Variants in ESS2 observed in about 807,000 individuals in gnomAD.
ESS2 encodes the protein splicing factor ESS-2 homolog.
ESS2 carries 31 observed loss-of-function variants against 52.0 expected under a neutral mutation model. The ratio of observed to expected loss-of-function variants is 0.60; its 90% CI spans 0.45 to 0.81. The LOEUF (loss-of-function observed/expected upper bound fraction) is 0.81, where lower values mean the gene tolerates loss of function less well. ESS2 is among the 30% of genes least tolerant of loss of function. ESS2 has a pLI of 0.00. For missense variants in ESS2, 602 were observed against 637.2 expected (o/e 0.94, Z 0.59); for synonymous variants, 285 against 259.2 (o/e 1.10, Z -0.95).
At chr22:19,140,165 C>T (rs1392260592) in intron 3 of ESS2, 141 bp from the exon 4 acceptor site, 2 of 1,091,276 alleles carry the variant, frequency 1.8e-6, no homozygotes. Context: ...CATGAAAGCC[C>T]ACACTGCCAA....
At position 19,144,596 on chromosome 22, in the gene ESS2, G is replaced by A. The variant is rs1161647340; in HGVS notation, c.45C>T (p.Ala15=). 6.3e-7 allele frequency: 1 copy of A among 1,596,966 alleles called. No individual in the cohort carries two copies. Among genetic ancestry groups the A allele is most frequent in the East Asian group, 2.3e-5 (1 of 43,560 alleles). The part of the protein sequence containing the change: ...GASASSLLLP[A]ASRPPRKREA... Reference sequence around the variant, plus strand: ...CGCGCTTCCTCGGGGGCCTGGACGCGGCGGGAAGCAACAAGGACGACGCTG... The same window carrying A: ...CGCGCTTCCTCGGGGGCCTGGACGCAGCGGGAAGCAACAAGGACGACGCTG... The change falls in exon 1 of 10, where the codon GCC becomes GCT. Residue 15 remains alanine, a synonymous_variant. Coordinates refer to ENST00000252137, the MANE Select transcript of ESS2 (RefSeq NM_022719.3).
Position 19,134,276 on chromosome 22 carries a change from G to C in ESS2, c.1351C>G (p.Pro451Ala). Reference protein sequence around the residue: ...TPAPGSATRTPLTQDPASITD... With the variant: ...TPAPGSATRTALTQDPASITD... ...ATGGAGGCCGGGTCCTGTGTGAGAGGGGTGCGTGTGGCAGAGCCAGGCGCC... is the reference window on the plus strand; with the variant it reads ...ATGGAGGCCGGGTCCTGTGTGAGAGCGGTGCGTGTGGCAGAGCCAGGCGCC... The change falls in exon 10 of 10, where the codon CCT becomes GCT. Residue 451 changes from proline (P) to alanine (A), a missense_variant. Coordinates refer to ENST00000252137, the MANE Select transcript of ESS2 (RefSeq NM_022719.3). 6.3e-7 allele frequency: 1 copy of C among 1,591,070 alleles called. No homozygotes were observed. Among genetic ancestry groups the C allele is most frequent in the Non-Finnish European group, 8.6e-7 (1 of 1,166,880 alleles).
In ESS2 at chr22:19,137,791, C is replaced by T. The variant is rs529194075; in HGVS notation, c.926-359G>A. ...TCACATGCCCTGGCGTGTGACACAG[C>T]ACCAGCACCCAAGAGCACAGAGGCC... is the stretch of plus-strand genomic sequence containing the variant. On this transcript the variant is annotated intron_variant, in intron 7 of 9. Transcript: ENST00000252137. The T allele has an allele frequency of 2.8e-4, 274 of 985,388 alleles. No homozygotes were observed. In the African/African-American group the frequency reaches 4.5e-3, roughly 16 times the overall value. 61.0% of individuals were successfully genotyped at this position (985,388 alleles called of 1,614,324 possible). A position where few individuals can be genotyped will look rare whatever the true frequency, so the allele number is the denominator to read the frequency against.
chr22:19,134,487 G>A lies in ESS2; in HGVS notation c.1152-12C>T. ...CTTTGGGGGTGAGGCTGGGGTGGAG[G>A]AATGGGTGAGAGAGGCAGGGTTAGG... is the stretch of plus-strand genomic sequence containing the variant. On this transcript the variant is annotated splice_polypyrimidine_tract_variant and intron_variant, in intron 9 of 9. Transcript: ENST00000252137. The A allele has an allele frequency of 6.6e-7, 1 of 1,525,770 alleles. No homozygotes were observed. Among genetic ancestry groups the A allele is most frequent in the Non-Finnish European group, 8.8e-7 (1 of 1,135,052 alleles). The allele number at this position is 1,525,770 out of a possible 1,614,324, so 94.5% of individuals were successfully genotyped here.
In ESS2 at chr22:19,132,363, C is replaced by T. The variant is rs745355051; in HGVS notation, c.*1833G>A. The T allele has an allele frequency of 2.4e-5, 39 of 1,613,044 alleles. No individual in the cohort carries two copies. Among genetic ancestry groups the T allele is most frequent in the Admixed American group, 6.7e-5 (4 of 59,992 alleles). On this transcript the variant is annotated 3_prime_UTR_variant, in exon 10 of 10. Transcript: ENST00000252137. This position sits in a 1 kb window ranked among gnomAD's most constrained non-coding sequence, Gnocchi z 4.2. ...CAAGCTTGGAGCCAAAACCCAGCAC[C>T]GGCTGCTGGTGGTGCCCGAGAACGA...
At chr22:19,139,544 CA>C in intron 5 of ESS2, 67 bp downstream of exon 5, 1 of 1,491,216 alleles carries the variant, frequency 6.7e-7, no homozygotes, top group Non-Finnish European at 9.4e-7. Flanking sequence ...AAGGCTGCTC[CA>C]AACACAGCCA....
At position 19,139,679 on chromosome 22, in the gene ESS2, C is replaced by A. The variant is rs761756482; in HGVS notation, c.621G>T (p.Glu207Asp). ...AGGTCTCCACACTGGCCTGGCTGCT[C>A]TCGATGGCCTGGTGCTCTGCTGACG... is the stretch of plus-strand genomic sequence containing the variant. ...ELPSAEHQAI[E>D]SSQASVETWK... Residue 207 changes from glutamate (E) to aspartate (D), a missense_variant, in exon 5 of 10, where the codon GAG becomes GAT. Physicochemically the swap from Glu to Asp is conservative, Grantham distance 45. Transcript: ENST00000252137. 1.2e-6 allele frequency: 2 copies of A among 1,614,240 alleles called. No homozygotes were observed. The highest frequency in any genetic ancestry group is 1.7e-6 in the Non-Finnish European group (2 of 1,180,034).
At position 19,130,521 on chromosome 22, in the gene ESS2, G is replaced by T. The variant is rs961630996; in HGVS notation, c.*3675C>A. ...AAGGGGCCCAGTGCCTTCAAGGCCT[G>T]TCTACTGTGGTACCGGAGTGATTAT... is the stretch of plus-strand genomic sequence containing the variant. On this transcript the variant is annotated 3_prime_UTR_variant, in exon 10 of 10. Coordinates refer to ENST00000252137, the MANE Select transcript of ESS2 (RefSeq NM_022719.3). 1 of 395,170 alleles carries T rather than the reference G, an allele frequency of 2.5e-6. No individual in the cohort carries two copies. The allele number at this position is 395,170 out of a possible 1,614,324, so 24.5% of individuals were successfully genotyped here. A position where few individuals can be genotyped will look rare whatever the true frequency, so the allele number is the denominator to read the frequency against.
chr22:19,141,246 G>A (rs1472955495), intron 3 of ESS2, among the ~76,000 whole-genome samples: 2 of 152,196 alleles, frequency 1.3e-5, no homozygotes, highest in Admixed American at 1.3e-4. Context: ...AAGCTGGATT[G>A]TAAAGCAAAA....
rs963249842 is a variant in ESS2 at position 19,132,813 on chromosome 22, G to A, written c.*1383C>T. On this transcript the variant is annotated 3_prime_UTR_variant, in exon 10 of 10. Coordinates refer to ENST00000252137, the MANE Select transcript of ESS2 (RefSeq NM_022719.3). This position sits in a 1 kb window ranked among gnomAD's most constrained non-coding sequence, Gnocchi z 4.2. ...CAGGACAGATGCTCAGGTACAGGCA[G>A]AATCACAGTGTGGCCTGGCCTTGTG... 7.0e-6 allele frequency: 2 copies of A among 283,762 alleles called. No individual in the cohort carries two copies. Among genetic ancestry groups the A allele is most frequent in the Admixed American group, 9.9e-5 (2 of 20,270 alleles). 17.6% of individuals were successfully genotyped at this position (283,762 alleles called of 1,614,324 possible).
At chr22:19,140,960 A>T (rs2083676283) in intron 3 of ESS2, among the ~76,000 whole-genome samples, 1 of 152,164 alleles carries the variant, frequency 6.6e-6, no homozygotes, top group Non-Finnish European at 1.5e-5. Context: ...TCCTATATTT[A>T]CTGGCATGTA....
rs781727502 is a variant in ESS2 at position 19,144,588 on chromosome 22, C to G, written c.53G>C (p.Arg18Thr). The change falls in exon 1 of 10, where the codon AGG becomes ACG. Residue 18 changes from arginine (R) to threonine (T), a missense_variant. Coordinates refer to ENST00000252137, the MANE Select transcript of ESS2 (RefSeq NM_022719.3). ...TCCCGCCTCGCGCTTCCTCGGGGGC[C>G]TGGACGCGGCGGGAAGCAACAAGGA... ...ASSLLLPAAS[R>T]PPRKREAGEA... The G allele has an allele frequency of 4.4e-6, 7 of 1,600,042 alleles. No individual in the cohort carries two copies. The highest frequency in any genetic ancestry group is 5.1e-6 in the Non-Finnish European group (6 of 1,172,486).
chr22:19,131,341 C>T lies in ESS2; in HGVS notation c.*2855G>A. 1 of 1,470,306 alleles carries T rather than the reference C, an allele frequency of 6.8e-7. No individual in the cohort carries two copies. Among genetic ancestry groups the T allele is most frequent in the Non-Finnish European group, 9.3e-7 (1 of 1,079,376 alleles). The allele number at this position is 1,470,306 out of a possible 1,614,324, so 91.1% of individuals were successfully genotyped here. On this transcript the variant is annotated 3_prime_UTR_variant, in exon 10 of 10. Transcript: ENST00000252137. The surrounding 1 kb of genome is among the most constrained non-coding windows in gnomAD (Gnocchi z 5.7). Reference sequence around the variant, plus strand: ...CCGGTAGTGTAAATGAGGACAATGCCTGCTGGCCCACATGACGGGGGGATG... The same window carrying T: ...CCGGTAGTGTAAATGAGGACAATGCTTGCTGGCCCACATGACGGGGGGATG...
chr22:19,141,862 G>A (rs931393620), intron 3 of ESS2, among the ~76,000 whole-genome samples: 10 of 152,068 alleles, frequency 6.6e-5, no homozygotes, highest in Non-Finnish European at 1.2e-4. Context: ...GGTGGCAGGC[G>A]CCTGTAATCC....
chr22:19,134,963 C>T (rs2083556135), intron 9 of ESS2, 97 bp downstream of exon 9: 2 of 1,179,106 alleles, frequency 1.7e-6, no homozygotes, highest in Non-Finnish European at 2.5e-6. Context: ...CTGGACTCTG[C>T]CGCGTGGGCC....
In ESS2 at chr22:19,140,573, T is replaced by C. The variant is rs184180316; in HGVS notation, c.401-549A>G. On this transcript the variant is annotated intron_variant, in intron 3 of 9. Coordinates refer to ENST00000252137, the MANE Select transcript of ESS2 (RefSeq NM_022719.3). The stretch of plus-strand genomic sequence containing the variant: ...AGTCCTCTGGATGGGGCCTCACAGG[T>C]GCTAAGCCACAACCCCAAACACCCC... Among the ~76,000 whole-genome samples the C allele has an allele frequency of 3.1e-3, 471 of 152,150 alleles. 1 individual carries two copies. The highest frequency in any genetic ancestry group is 0.011 in the African/African-American group (447 of 41,474).
chr22:19,137,663 C>T (rs545613516), intron 7 of ESS2: 10 of 894,702 alleles, frequency 1.1e-5, no homozygotes, highest in Admixed American at 6.2e-5. Flanking sequence ...ATGTGCTTAG[C>T]CTACAAGCCT....
At chr22:19,143,726 G>C (rs2083734874) in intron 1 of ESS2, among the ~76,000 whole-genome samples, 1 of 152,128 alleles carries the variant, frequency 6.6e-6, no homozygotes, top group Non-Finnish European at 1.5e-5. Flanking sequence ...CGTGGTGGCG[G>C]GCACCTGTAG....
rs2083521628 is a variant in ESS2, at chr22:19,132,580, C to G, written c.*1616G>C. 8.6e-7 allele frequency: 1 copy of G among 1,168,892 alleles called. No homozygotes were observed. The highest frequency in any genetic ancestry group is 1.2e-6 in the Non-Finnish European group (1 of 818,644). The allele number at this position is 1,168,892 out of a possible 1,614,324, so 72.4% of individuals were successfully genotyped here. Reference sequence around the variant, plus strand: ...AGGCAGGTAGGATCTGAAGAAGGCACAGGTGCAAGTAAAATTCGTCAATTA... The same window carrying G: ...AGGCAGGTAGGATCTGAAGAAGGCAGAGGTGCAAGTAAAATTCGTCAATTA... On this transcript the variant is annotated 3_prime_UTR_variant, in exon 10 of 10. Coordinates refer to ENST00000252137, the MANE Select transcript of ESS2 (RefSeq NM_022719.3). The surrounding 1 kb of genome is among the most constrained non-coding windows in gnomAD (Gnocchi z 4.2).
Sources: allele counts gnomAD v4.1 joint callset (sites outside exome capture counted in the v4.1 genomes callset), GRCh38; gene constraint gnomAD v4.1.1; non-coding constraint Gnocchi (gnomAD v3.1); transcripts MANE v1.5; gene names NCBI Gene and HGNC (gene_info 2026-07-23, HGNC 2026-07-21).